Variants in IQCE observed in about 807,000 individuals in gnomAD.
The protein encoded by IQCE is IQ motif containing E, also known as IQ domain-containing protein E.
Under a neutral mutation model 96.0 loss-of-function variants are expected in IQCE, and 115 were observed. That is an observed-to-expected ratio of 1.20 (90% CI 1.03 to 1.40). IQCE has a LOEUF of 1.40. Ranked by LOEUF, IQCE falls within the 40% of genes most tolerant of loss-of-function variation. The probability of loss-of-function intolerance (pLI) is 0.00; values close to 1 mark genes in which losing one functional copy is unlikely to be tolerated. For missense variants in IQCE, 1,041 were observed against 909.1 expected, an observed-to-expected ratio of 1.15 and a Z score of -1.87; for synonymous variants, 412 against 371.2, an observed-to-expected ratio of 1.11 and a Z score of -1.26.
Position 2,571,506 on chromosome 7 carries a change from C to G in IQCE, c.131-20C>G, listed in dbSNP as rs780804449. On this transcript the variant is annotated intron_variant, in intron 3 of 21. Transcript: ENST00000402050. Reference sequence around the variant, plus strand: ...ATGTTGCTGTCCGGCACCTCTGAATCCACGTGTTGGCTTTTCCAGAGTCAC... The same window carrying G: ...ATGTTGCTGTCCGGCACCTCTGAATGCACGTGTTGGCTTTTCCAGAGTCAC... The G allele has an allele frequency of 3.1e-6, 5 of 1,605,228 alleles. No homozygotes were observed. In the South Asian group the frequency reaches 5.5e-5, roughly 18 times the overall value.
At position 2,598,579 on chromosome 7, in the gene IQCE, A is replaced by G; in HGVS notation, c.1555A>G (p.Arg519Gly). 1 of 1,606,120 alleles carries G rather than the reference A, an allele frequency of 6.2e-7. No individual in the cohort carries two copies. The highest frequency in any genetic ancestry group is 1.1e-5 in the South Asian group (1 of 90,214). Residue 519 changes from arginine (R) to glycine (G), a missense_variant, in exon 17 of 22, where the codon AGA becomes GGA. By Grantham distance (125) the Arg-to-Gly change is moderately radical. Coordinates refer to ENST00000402050, the MANE Select transcript of IQCE (RefSeq NM_152558.5). ...CCGCTCCCCCTGCTCTGATGGGAGA[A>G]GAGACGCCGCGGCCAGAGTCCTGCA... Reference protein sequence around the residue: ...RPRSPCSDGRRDAAARVLQAQ... With the variant: ...RPRSPCSDGRGDAAARVLQAQ...
At chr7:2,585,810 CAAT>C (rs1783055872) in intron 11 of IQCE, among the ~76,000 whole-genome samples, 13 of 152,336 alleles carry the variant, frequency 8.5e-5, no homozygotes, top group Admixed American at 8.5e-4. Context: ...AGCACATTTG[CAAT>C]TACGGGACCT....
intron 20 of IQCE, among the ~76,000 whole-genome samples, chr7:2,606,837 C>T (rs1784866408): frequency 6.6e-6 from 1 of 152,150 alleles, no homozygotes; most frequent in South Asian, 2.1e-4. Flanking sequence ...AGACAGGAGA[C>T]AGGGAACGGA....
intron 15 of IQCE, among the ~76,000 whole-genome samples, chr7:2,594,526 T>C (rs979723490): frequency 1.3e-5 from 2 of 152,348 alleles, no homozygotes; most frequent in African/African-American, 2.4e-5. Context: ...TCCTAGAGGG[T>C]TGGGATCACA....
rs1042446254 is a variant in IQCE at position 2,559,068 on chromosome 7, G to T, written c.-114G>T. ...CTGGTTGCCATGGCAGCGGGGTCGC[G>T]GGCCGGCGCCAGGGAAGGCCCCGAG... On this transcript the variant is annotated 5_prime_UTR_variant, in exon 1 of 22. Coordinates refer to ENST00000402050, the MANE Select transcript of IQCE (RefSeq NM_152558.5). The T allele has an allele frequency of 2.5e-5, 14 of 552,626 alleles. No homozygotes were observed. The African/African-American group carries it at 2.6e-4, about 10-fold the overall frequency. The allele number at this position is 552,626 out of a possible 1,614,324, so 34.2% of individuals were successfully genotyped here.
chr7:2,566,379 A>G (rs1781374286), intron 1 of IQCE, among the ~76,000 whole-genome samples: 1 of 151,886 alleles, frequency 6.6e-6, no homozygotes, highest in African/African-American at 2.4e-5. Flanking sequence ...AGTCACTGGA[A>G]TAAGAAGGCA....
intron 8 of IQCE, among the ~76,000 whole-genome samples, chr7:2,579,483 C>CA (rs1177685221): frequency 2.6e-5 from 4 of 151,524 alleles, no homozygotes; most frequent in East Asian, 1.9e-4. Context: ...TTAGAAAATA[C>CA]AAAAAAAACT....
At chr7:2,589,855 T>C (rs1431142241) in intron 13 of IQCE, 52 bp from the exon 14 acceptor site, 3 of 1,555,172 alleles carry the variant, frequency 1.9e-6, no homozygotes, top group African/African-American at 1.4e-5. Context: ...GTTTGGTAAA[T>C]AGAAAGTAGA....
rs1020250948 is a variant in IQCE at position 2,561,936 on chromosome 7, G to C, written c.36+2719G>C. On this transcript the variant is annotated intron_variant, in intron 1 of 21. Transcript: ENST00000402050. ...CTGGCAAAAGACTCAAGTATAATTT[G>C]AATTGAAGTGATGAGAAAGGACAGC... Among the ~76,000 whole-genome samples the C allele has an allele frequency of 2.2e-4, 34 of 152,134 alleles. 1 individual carries two copies. Among genetic ancestry groups the C allele is most frequent in the Non-Finnish European group, 8.8e-5 (6 of 68,024 alleles).
At position 2,584,280 on chromosome 7, in the gene IQCE, AAAG is replaced by A. The variant is rs1359911273; in HGVS notation, c.823_824+1del. 6.2e-7 allele frequency: 1 copy of A among 1,614,000 alleles called. No homozygotes were observed. The highest frequency in any genetic ancestry group is 1.7e-5 in the Admixed American group (1 of 60,022). ...TCTTGGCAAGTTCTGAAACCACCGGAAAGAAGTATGATGGCCGCTTGCAAGCTG... is the reference window on the plus strand; with the variant it reads ...TCTTGGCAAGTTCTGAAACCACCGGAAAGTATGATGGCCGCTTGCAAGCTG... On this transcript the variant is annotated inframe_deletion and splice_region_variant, in exon 11 of 22. Coordinates refer to ENST00000402050, the MANE Select transcript of IQCE (RefSeq NM_152558.5).
intron 1 of IQCE, 163 bp downstream of exon 1, chr7:2,559,380 G>C (rs1370983086): frequency 5.8e-6 from 2 of 342,150 alleles, no homozygotes; most frequent in African/African-American, 4.4e-5. Context: ...ACAAGAGCGC[G>C]CTGCAGGCCC....
intron 13 of IQCE, 110 bp downstream of exon 13, chr7:2,587,987 C>T (rs1783258237): frequency 7.9e-6 from 8 of 1,012,666 alleles, no homozygotes; most frequent in Non-Finnish European, 1.2e-5. Context: ...GGCTGTCTGC[C>T]AGGCAGCGCC....
intron 6 of IQCE, 40 bp downstream of exon 6, chr7:2,573,528 A>G: frequency 9.3e-7 from 1 of 1,077,970 alleles, no homozygotes; most frequent in Non-Finnish European, 1.4e-6. Context: ...TGAAACGGTG[A>G]AAGCTTCCTA....
chr7:2,594,557 A>G (rs369932761), intron 15 of IQCE, among the ~76,000 whole-genome samples: 1 of 152,202 alleles, frequency 6.6e-6, no homozygotes, highest in Non-Finnish European at 1.5e-5. Flanking sequence ...CTGGCCTCCT[A>G]CTTACTTATC....
chr7:2,577,117 C>A (rs575101518), intron 6 of IQCE, among the ~76,000 whole-genome samples: 1 of 152,248 alleles, frequency 6.6e-6, no homozygotes, highest in Non-Finnish European at 1.5e-5. Context: ...TTTCCCCCCA[C>A]CCACCACACA....
chr7:2,583,405 T>C (rs2969053), intron 9 of IQCE, among the ~76,000 whole-genome samples: 89,095 of 151,870 alleles, frequency 0.59, 26,202 homozygotes, highest in Admixed American at 0.62. Flanking sequence ...CTTTGGAAAG[T>C]GGCTGGTCTA....
In IQCE at chr7:2,610,410, G is replaced by A. The variant is rs1403733629; in HGVS notation, c.*248G>A. On this transcript the variant is annotated 3_prime_UTR_variant, in exon 22 of 22. Transcript: ENST00000402050. ...CTGCAGCTCGGATGGTGGATTTTCA[G>A]TGCCAACAGACACATCTGCCGTGAA... 2.2e-6 allele frequency: 1 copy of A among 457,786 alleles called. No individual in the cohort carries two copies. Among genetic ancestry groups the A allele is most frequent in the African/African-American group, 2.0e-5 (1 of 50,422 alleles). The allele number at this position is 457,786 out of a possible 1,614,324, so 28.4% of individuals were successfully genotyped here.
At chr7:2,586,480 T>G in intron 12 of IQCE, 109 bp downstream of exon 12, 2 of 1,251,056 alleles carry the variant, frequency 1.6e-6, no homozygotes, top group Non-Finnish European at 2.2e-6. Context: ...AGGGCAGATG[T>G]GAACCCTTGG....
Position 2,567,100 on chromosome 7 carries a change from G to A in IQCE, c.37-16G>A, listed in dbSNP as rs1781431937. The A allele has an allele frequency of 1.2e-6, 2 of 1,612,748 alleles. No individual in the cohort carries two copies. ...CAGGTGCCGTCGAGTTACAGTGTTT[G>A]CCTCTCTTCCTCCAGGGAGATGACA... On this transcript the variant is annotated splice_polypyrimidine_tract_variant and intron_variant, in intron 1 of 21. Coordinates refer to ENST00000402050, the MANE Select transcript of IQCE (RefSeq NM_152558.5).
Sources: gnomAD v4.1 joint callset for allele counts (sites outside exome capture counted in the v4.1 genomes callset) on GRCh38, gnomAD v4.1.1 for gene constraint, MANE v1.5 for transcripts, NCBI Gene and HGNC (gene_info 2026-07-23, HGNC 2026-07-21) for gene names.